RGS7: variants seen among roughly 807,000 people sequenced by gnomAD.
RGS7 encodes the protein regulator of G protein signaling 7.
RGS7 carries 27 observed loss-of-function variants against 81.1 expected under a neutral mutation model. The ratio of observed to expected loss-of-function variants is 0.33; its 90% CI spans 0.25 to 0.46. RGS7 has a LOEUF of 0.46. RGS7 is among the 20% of genes least tolerant of loss of function. RGS7 has a pLI of 1.00. For missense variants in RGS7, 396 were observed against 607.4 expected (o/e 0.65, Z 3.66); for synonymous variants, 208 against 207.7 (o/e 1.00, Z -0.01).
intron 2 of RGS7, among the ~76,000 whole-genome samples, chr1:241,351,937 T>C (rs1233023487): frequency 6.6e-6 from 1 of 152,200 alleles, no homozygotes; most frequent in Non-Finnish European, 1.5e-5. Flanking sequence ...GAAGCCAGCA[T>C]TCCAGCCAAT....
rs59985390 is a variant in RGS7, at chr1:241,222,721, C to T, written c.79-123959G>A. Among the ~76,000 whole-genome samples, 933 of 152,238 alleles carry T rather than the reference C, an allele frequency of 6.1e-3. 16 individuals are homozygous for T. The highest frequency in any genetic ancestry group is 0.022 in the African/African-American group (902 of 41,536). On this transcript the variant is annotated intron_variant, in intron 2 of 18. Transcript: ENST00000440928. ...CTCAAACAGAGATTAAGGTAACTTGCTCAAAGTCACACAGCTAAGGAGTAG... is the reference window on the plus strand; with the variant it reads ...CTCAAACAGAGATTAAGGTAACTTGTTCAAAGTCACACAGCTAAGGAGTAG...
intron 18 of RGS7, among the ~76,000 whole-genome samples, chr1:240,783,478 C>T (rs1365772043): frequency 6.7e-6 from 1 of 149,572 alleles, no homozygotes; most frequent in East Asian, 2.0e-4. Context: ...AAAAAAAAAG[C>T]AGGGCATGGT....
In RGS7 at chr1:241,104,735, T is replaced by C. The variant is rs2064996516; in HGVS notation, c.79-5973A>G. On this transcript the variant is annotated intron_variant, in intron 2 of 18. Transcript: ENST00000440928. ...GTATTGCTGAACTCATTCAAAACTT[T>C]TTATGCTTCTGTTACAGAACCCTCC... Among the ~76,000 whole-genome samples, 4 of 152,234 alleles carry C rather than the reference T, an allele frequency of 2.6e-5. No homozygotes were observed. In the South Asian group the frequency reaches 6.2e-4, roughly 24 times the overall value.
Position 241,034,795 on chromosome 1 carries a change from T to C in RGS7, c.176-51666A>G, listed in dbSNP as rs533853087. 4.6e-5 allele frequency among the ~76,000 whole-genome samples: 7 copies of C among 152,294 alleles called. No homozygotes were observed. In the South Asian group the frequency reaches 1.0e-3, roughly 23 times the overall value. ...GCCATAGGAAGTGAGAGCGCCATCA[T>C]ACTAATGTTAAATAGACTGAACAAT... On this transcript the variant is annotated intron_variant, in intron 3 of 18. Coordinates refer to ENST00000440928, the MANE Select transcript of RGS7 (RefSeq NM_001364886.1).
intron 9 of RGS7, among the ~76,000 whole-genome samples, chr1:240,827,564 T>C (rs1191623016): frequency 6.6e-6 from 1 of 152,000 alleles, no homozygotes; most frequent in Non-Finnish European, 1.5e-5. Flanking sequence ...GATCTCTCTT[T>C]ATAAAAAGTG....
intron 2 of RGS7, among the ~76,000 whole-genome samples, chr1:241,213,335 T>C (rs1455829654): frequency 2.0e-5 from 3 of 152,134 alleles, no homozygotes; most frequent in Non-Finnish European, 2.9e-5. Context: ...CGAATCTCCT[T>C]TCAAGTTAGC....
chr1:240,960,309 T>C (rs1292565583), intron 4 of RGS7, among the ~76,000 whole-genome samples: 1 of 141,672 alleles, frequency 7.1e-6, no homozygotes, highest in Non-Finnish European at 1.5e-5. Flanking sequence ...AGTGGTACAA[T>C]CATGGCTCAC....
intron 3 of RGS7, among the ~76,000 whole-genome samples, chr1:241,061,243 T>C (rs539274019): frequency 2.0e-5 from 3 of 152,340 alleles, no homozygotes; most frequent in South Asian, 4.1e-4. Context: ...CTTTCTCTTG[T>C]AAAGGTCACT....
At chr1:241,347,601 C>G (rs1376527117) in intron 2 of RGS7, among the ~76,000 whole-genome samples, 1 of 152,140 alleles carries the variant, frequency 6.6e-6, no homozygotes, top group African/African-American at 2.4e-5. Flanking sequence ...TGATACATCT[C>G]TGAGATGCTA....
At chr1:241,243,059 TCC>T (rs886241055) in intron 2 of RGS7, among the ~76,000 whole-genome samples, 8 of 152,188 alleles carry the variant, frequency 5.3e-5, no homozygotes, top group African/African-American at 1.9e-4. Flanking sequence ...TTTTCTCCTC[TCC>T]CACTCTTATC....
At chr1:240,939,841 C>T (rs138134070) in intron 4 of RGS7, among the ~76,000 whole-genome samples, 80 of 152,086 alleles carry the variant, frequency 5.3e-4, no homozygotes, top group African/African-American at 1.8e-3. Flanking sequence ...GAGGCCAAGA[C>T]GGATGGATCA....
At chr1:240,806,076 G>C in intron 15 of RGS7, 64 bp downstream of exon 15, 1 of 1,365,968 alleles carries the variant, frequency 7.3e-7, no homozygotes, top group Non-Finnish European at 1.0e-6. Context: ...AAAATAAAAT[G>C]AATACATCTA....
In RGS7 at chr1:241,309,386, C is replaced by CAAA. The variant is rs71571833; in HGVS notation, c.78+46310_78+46312dup. Among the ~76,000 whole-genome samples the CAAA allele has an allele frequency of 6.7e-3, 568 of 84,968 alleles. 6 individuals carry two copies. The highest frequency in any genetic ancestry group is 0.013 in the South Asian group (26 of 2,038). The allele number at this position is 84,968 out of a possible 152,430, so 55.7% of individuals were successfully genotyped here. A position where few individuals can be genotyped will look rare whatever the true frequency, so the allele number is the denominator to read the frequency against. ...GGGCAACAAGAGCGAAACTCCAACT[C>CAAA]AAAAAAAAAAAAAAAAAAGGAAAAA... On this transcript the variant is annotated intron_variant, in intron 2 of 18. Coordinates refer to ENST00000440928, the MANE Select transcript of RGS7 (RefSeq NM_001364886.1).
intron 5 of RGS7, among the ~76,000 whole-genome samples, chr1:240,932,109 G>C (rs1558484262): frequency 6.6e-6 from 1 of 152,162 alleles, no homozygotes; most frequent in Non-Finnish European, 1.5e-5. Flanking sequence ...CTCTAAAGAA[G>C]GGAAAATGGG....
chr1:241,277,618 C>CA (rs34520025), intron 2 of RGS7, among the ~76,000 whole-genome samples: 52,747 of 132,512 alleles, frequency 0.4, 10,653 homozygotes, highest in East Asian at 0.61. Context: ...GACTCCATCT[C>CA]AAAAAAAAAA....
chr1:240,954,566 A>C (rs1680053015), intron 4 of RGS7, among the ~76,000 whole-genome samples: 1 of 151,486 alleles, frequency 6.6e-6, no homozygotes, highest in South Asian at 2.1e-4. Flanking sequence ...AAGAAAAAAA[A>C]ACTCTTAGCA....
chr1:240,799,720 T>A (rs11811647), intron 18 of RGS7, among the ~76,000 whole-genome samples: 24,405 of 152,148 alleles, frequency 0.16, 4,665 homozygotes, highest in African/African-American at 0.46. Context: ...TAAGCAAAAA[T>A]GTCCTTGCAT....
At position 240,775,964 on chromosome 1, in the gene RGS7, A is replaced by G. The variant is rs1224673023; in HGVS notation, c.*256T>C. On this transcript the variant is annotated 3_prime_UTR_variant, in exon 19 of 19. Transcript: ENST00000440928. ...CAGATCCAGCATAGTAGAAGGAGAA[A>G]GAAAGCAGACAACAGTTTGGAATGG... The G allele has an allele frequency of 1.7e-6, 1 of 601,366 alleles. No individual in the cohort carries two copies. Among genetic ancestry groups the G allele is most frequent in the African/African-American group, 1.9e-5 (1 of 53,788 alleles). The allele number at this position is 601,366 out of a possible 1,614,324, so 37.3% of individuals were successfully genotyped here.
intron 9 of RGS7, among the ~76,000 whole-genome samples, chr1:240,846,172 TG>T (rs1216484464): frequency 6.6e-6 from 1 of 152,308 alleles, no homozygotes; most frequent in East Asian, 1.9e-4. Context: ...TGTCTTCTTA[TG>T]GGGAACAGTT....
Sources: allele counts gnomAD v4.1 joint callset (sites outside exome capture counted in the v4.1 genomes callset), GRCh38; gene constraint gnomAD v4.1.1; transcripts MANE v1.5; gene names NCBI Gene and HGNC (gene_info 2026-07-23, HGNC 2026-07-21).